Variants in MAPK10 observed in about 807,000 individuals in gnomAD.
MAPK10 encodes mitogen-activated protein kinase 10, also known as JNK3 alpha protein kinase.
A neutral mutation model predicts 59.3 loss-of-function variants in MAPK10; 25 were observed. The ratio of observed to expected loss-of-function variants is 0.42; its 90% confidence interval spans 0.31 to 0.59. MAPK10 has a LOEUF of 0.59. MAPK10 is among the 20% of genes least tolerant of loss of function. MAPK10 has a pLI of 0.15. For synonymous variants in MAPK10, 190 were observed against 200.5 expected (o/e 0.95, Z 0.44); for missense variants, 351 against 568.9 (o/e 0.62, Z 3.90).
intron 11 of MAPK10, among the ~76,000 whole-genome samples, chr4:86,061,645 T>C (rs1396747491): frequency 6.6e-6 from 1 of 152,178 alleles, no homozygotes; most frequent in African/African-American, 2.4e-5. Flanking sequence ...ACACATAGCA[T>C]ATCTATACTC....
At chr4:86,087,027 G>C (rs1046820535) in intron 9 of MAPK10, among the ~76,000 whole-genome samples, 6 of 151,976 alleles carry the variant, frequency 3.9e-5, no homozygotes, top group African/African-American at 1.4e-4. Flanking sequence ...AAATATCAAG[G>C]GCTTTGAACA....
chr4:86,054,830 A>G (rs1218501810), intron 11 of MAPK10, among the ~76,000 whole-genome samples: 1 of 152,200 alleles, frequency 6.6e-6, no homozygotes, highest in Admixed American at 6.6e-5. Context: ...AGCATGACAC[A>G]TGCGGCAATA....
At chr4:86,169,607 C>T (rs1371565910) in intron 3 of MAPK10, among the ~76,000 whole-genome samples, 2 of 152,022 alleles carry the variant, frequency 1.3e-5, no homozygotes, top group Non-Finnish European at 2.9e-5. Context: ...CTGAAAGTGA[C>T]TGGGAGAATG....
intron 8 of MAPK10, chr4:86,100,474 T>A (rs1372139592): frequency 6.6e-6 from 1 of 152,208 alleles, no homozygotes; most frequent in African/African-American, 2.4e-5. Flanking sequence ...TTGGAATATA[T>A]AAGGATTTAT....
Position 86,242,731 on chromosome 4 carries a change from A to C in MAPK10, c.-6-48324T>G, listed in dbSNP as rs534792510. Among the ~76,000 whole-genome samples, 364 of 152,256 alleles carry C rather than the reference A, an allele frequency of 2.4e-3. 3 individuals are homozygous for C. The highest frequency in any genetic ancestry group is 8.5e-3 in the African/African-American group (355 of 41,566). On this transcript the variant is annotated intron_variant, in intron 2 of 13. Transcript: ENST00000641462. ...GGAGAAGCGCAGCTTGGAGCTACAG[A>C]AGTAGGTGCTGCTCTTCCCCTGCCC...
At chr4:86,354,479 A>G (rs1564665171) in intron 2 of MAPK10, 51 bp downstream of exon 2, 1 of 753,856 alleles carries the variant, frequency 1.3e-6, no homozygotes, top group Non-Finnish European at 1.8e-6. Flanking sequence ...TAAATTGGCT[A>G]TATAGATCCT....
rs371692594 is a variant in MAPK10, at chr4:86,400,451, TTC to T, written c.-121-45809_-121-45808del. On this transcript the variant is annotated intron_variant, in intron 1 of 13. Transcript: ENST00000361569. ...TTTCTCTCTCTCCCTCTCTCTCTCT[TTC>T]TCTCTCTCTCTCCACGTAATGGGGA... Among the ~76,000 whole-genome samples, 69 of 150,804 alleles carry T rather than the reference TTC, an allele frequency of 4.6e-4. 1 individual carries two copies. In the East Asian group the frequency reaches 0.012, roughly 26 times the overall value.
chr4:86,439,101 AAAAT>A, intron 1 of MAPK10, among the ~76,000 whole-genome samples: 1 of 152,160 alleles, frequency 6.6e-6, no homozygotes, highest in East Asian at 1.9e-4. Context: ...TTCATTTTTA[AAAAT>A]TTTTATTTGC....
chr4:86,119,240 A>G (rs2058798520), intron 4 of MAPK10, among the ~76,000 whole-genome samples: 1 of 152,190 alleles, frequency 6.6e-6, no homozygotes, highest in African/African-American at 2.4e-5. Flanking sequence ...ATGCACAGTG[A>G]TTTTTGAGGG....
chr4:86,563,843 T>G (rs538957804), intron 1 of MAPK10, among the ~76,000 whole-genome samples: 6 of 152,206 alleles, frequency 3.9e-5, no homozygotes, highest in African/African-American at 1.4e-4. Flanking sequence ...AAATTATTAT[T>G]TTTTTTGAGA....
intron 1 of MAPK10, among the ~76,000 whole-genome samples, chr4:86,472,376 G>T (rs1260737631): frequency 6.6e-6 from 1 of 152,090 alleles, no homozygotes; most frequent in Non-Finnish European, 1.5e-5. Context: ...AAGAAAAGTA[G>T]TTTGACACTG....
chr4:86,574,730 C>A (rs1761746528), intron 1 of MAPK10, among the ~76,000 whole-genome samples: 1 of 152,264 alleles, frequency 6.6e-6, no homozygotes, highest in East Asian at 1.9e-4. Flanking sequence ...CCTGGCTAAA[C>A]TCACTTATTA....
chr4:86,526,102 C>A (rs1757456241), intron 1 of MAPK10, among the ~76,000 whole-genome samples: 1 of 152,086 alleles, frequency 6.6e-6, no homozygotes, highest in South Asian at 2.1e-4. Flanking sequence ...TAGGAAGAGT[C>A]CCTCCTTCTC....
At chr4:86,252,484 G>C (rs960536115) in intron 2 of MAPK10, among the ~76,000 whole-genome samples, 58 of 141,420 alleles carry the variant, frequency 4.1e-4, no homozygotes, top group Middle Eastern at 3.5e-3. Flanking sequence ...GATAGTTGTA[G>C]GTATGCGGCG....
chr4:86,101,492 T>G (rs1215769651), intron 7 of MAPK10: 3 of 413,414 alleles, frequency 7.3e-6, no homozygotes, highest in African/African-American at 2.0e-5. Flanking sequence ...TGTCTTCTGT[T>G]AGGTTTCTCC....
At chr4:86,175,971 A>G (rs1194864088) in intron 3 of MAPK10, 2 of 152,162 alleles carry the variant, frequency 1.3e-5, no homozygotes, top group Non-Finnish European at 2.9e-5. Flanking sequence ...CTATAACCAA[A>G]TAAACATTCA....
At chr4:86,296,997 A>G (rs1416045923) in intron 2 of MAPK10, among the ~76,000 whole-genome samples, 1 of 152,180 alleles carries the variant, frequency 6.6e-6, no homozygotes, top group Non-Finnish European at 1.5e-5. Context: ...TGGAAGGGTT[A>G]GACGGGGACT....
chr4:86,241,287 C>A (rs76035210), intron 2 of MAPK10, among the ~76,000 whole-genome samples: 1 of 152,200 alleles, frequency 6.6e-6, no homozygotes, highest in Non-Finnish European at 1.5e-5. Flanking sequence ...TTCATTTCAA[C>A]CTTGGAGAAT....
chr4:86,130,145 G>A (rs2060747758), intron 4 of MAPK10, among the ~76,000 whole-genome samples: 1 of 152,068 alleles, frequency 6.6e-6, no homozygotes, highest in Non-Finnish European at 1.5e-5. Context: ...TTTTTAATTT[G>A]AGCTGATACT....
Sources: allele counts gnomAD v4.1 joint callset (sites outside exome capture counted in the v4.1 genomes callset), GRCh38; gene constraint gnomAD v4.1.1; transcripts MANE v1.5; gene names NCBI Gene and HGNC (gene_info 2026-07-23, HGNC 2026-07-21).